The following IGFL2 variants were observed in gnomAD, a reference collection of about 807,000 sequenced individuals.
IGFL2 encodes the protein insulin growth factor-like family member 2.
Under a neutral mutation model 13.9 loss-of-function variants are expected in IGFL2, and 7 were observed. The ratio of observed to expected loss-of-function variants is 0.51; its 90% CI spans 0.29 to 0.95. The LOEUF is 0.95. IGFL2 is among the 40% of genes least tolerant of loss of function. The probability of loss-of-function intolerance (pLI) is 0.08; values close to 1 mark genes in which losing one functional copy is unlikely to be tolerated. For synonymous variants in IGFL2, 55 were observed against 55.8 expected (o/e 0.99, Z 0.07); for missense variants, 138 against 147.8 (o/e 0.93, Z 0.34).
chr19:46,180,396 C>G, the IGFL2 span, among the ~76,000 whole-genome samples: 1 of 152,168 alleles, frequency 6.6e-6, no homozygotes, highest in Admixed American at 6.5e-5. Context: ...CCAGGCTGGT[C>G]TCGAACTCCT....
chr19:46,138,431 A>G (rs1972701085), upstream of IGFL2, among the ~76,000 whole-genome samples: 1 of 152,108 alleles, frequency 6.6e-6, no homozygotes, highest in African/African-American at 2.4e-5. Context: ...GCTAGCAACA[A>G]CACTCCAACG....
chr19:46,180,008 C>T, the IGFL2 span, among the ~76,000 whole-genome samples: 1 of 151,952 alleles, frequency 6.6e-6, no homozygotes, highest in Non-Finnish European at 1.5e-5. Flanking sequence ...TTGGTAACAC[C>T]TCACCATCTC....
the IGFL2 span, chr19:46,179,503 G>T: frequency 6.5e-6 from 1 of 152,732 alleles, no homozygotes; most frequent in Non-Finnish European, 1.5e-5. Context: ...GCAGCTGCTG[G>T]TCTCCACTCT....
the IGFL2 span, among the ~76,000 whole-genome samples, chr19:46,195,403 G>T: frequency 6.6e-6 from 1 of 152,170 alleles, no homozygotes; most frequent in East Asian, 1.9e-4. Flanking sequence ...GAAAAACCAT[G>T]ACTATTACAC....
the IGFL2 span, among the ~76,000 whole-genome samples, chr19:46,188,417 C>A: frequency 2.0e-5 from 3 of 152,114 alleles, no homozygotes; most frequent in African/African-American, 7.2e-5. Flanking sequence ...TGTGACCGCC[C>A]CCCCCACTCT....
intron 1 of IGFL2, among the ~76,000 whole-genome samples, chr19:46,155,123 T>G (rs1600923235): frequency 6.6e-6 from 1 of 152,188 alleles, no homozygotes; most frequent in Non-Finnish European, 1.5e-5. Flanking sequence ...TGAAGCCCAG[T>G]GTGCTTCACC....
downstream of IGFL2, chr19:46,161,321 T>TTC (rs1974158993): frequency 9.9e-6 from 3 of 302,574 alleles, no homozygotes; most frequent in South Asian, 1.0e-4. Flanking sequence ...CTCCTTTCTT[T>TTC]TTTTTTTTTT....
At chr19:46,129,498 G>A in the IGFL2 span, among the ~76,000 whole-genome samples, 1 of 151,976 alleles carries the variant, frequency 6.6e-6, no homozygotes, top group Non-Finnish European at 1.5e-5. Flanking sequence ...TGGGCAATTA[G>A]TACTATAAAT....
At chr19:46,195,401 A>G in the IGFL2 span, among the ~76,000 whole-genome samples, 1 of 152,150 alleles carries the variant, frequency 6.6e-6, no homozygotes, top group South Asian at 2.1e-4. Flanking sequence ...CAGAAAAACC[A>G]TGACTATTAC....
the IGFL2 span, among the ~76,000 whole-genome samples, chr19:46,183,010 A>C: frequency 3.9e-5 from 6 of 152,110 alleles, no homozygotes; most frequent in Admixed American, 1.3e-4. Flanking sequence ...TCACACTGCT[A>C]TAAAGCTACT....
the IGFL2 span, among the ~76,000 whole-genome samples, chr19:46,106,589 G>A: frequency 6.6e-6 from 1 of 152,076 alleles, no homozygotes; most frequent in African/African-American, 2.4e-5. Flanking sequence ...GGATAGGAGA[G>A]TATATGGGTT....
upstream of IGFL2, among the ~76,000 whole-genome samples, chr19:46,147,270 C>T (rs1007573190): frequency 7.9e-5 from 12 of 152,126 alleles, no homozygotes; most frequent in African/African-American, 2.7e-4. Context: ...TGGTCCATTT[C>T]CAAGACAAAG....
At chr19:46,155,006 T>C (rs1485370876) in intron 1 of IGFL2, among the ~76,000 whole-genome samples, 2 of 152,040 alleles carry the variant, frequency 1.3e-5, no homozygotes, top group African/African-American at 4.8e-5. Context: ...AGCGATGTCT[T>C]TCCTCTACAG....
the IGFL2 span, among the ~76,000 whole-genome samples, chr19:46,118,269 C>A: frequency 6.6e-6 from 1 of 152,090 alleles, no homozygotes; most frequent in Non-Finnish European, 1.5e-5. Context: ...TTGTCTCCCC[C>A]ACAGAGAAAA....
chr19:46,103,327 C>T, the IGFL2 span, among the ~76,000 whole-genome samples: 1 of 151,956 alleles, frequency 6.6e-6, no homozygotes, highest in Non-Finnish European at 1.5e-5. Flanking sequence ...AGCCAACAAT[C>T]GTTTGTTAAA....
chr19:46,124,560 G>T, the IGFL2 span: 1 of 1,430,578 alleles, frequency 7.0e-7, no homozygotes, highest in Non-Finnish European at 9.8e-7. Flanking sequence ...AATAAATCGG[G>T]TTGAGGTTTG....
chr19:46,078,746 C>G, the IGFL2 span, among the ~76,000 whole-genome samples: 11 of 152,390 alleles, frequency 7.2e-5, no homozygotes, highest in South Asian at 4.1e-4. Flanking sequence ...TCCCAGTAGT[C>G]AACACTAGAT....
chr19:46,091,183 T>C, the IGFL2 span, among the ~76,000 whole-genome samples: 12 of 152,350 alleles, frequency 7.9e-5, 1 homozygote, highest in South Asian at 2.5e-3. Context: ...AGAGTCCTAA[T>C]GCACCATCTT....
chr19:46,107,189 A>G, the IGFL2 span, among the ~76,000 whole-genome samples: 1 of 152,112 alleles, frequency 6.6e-6, no homozygotes, highest in Non-Finnish European at 1.5e-5. Context: ...AAAAGAAGGT[A>G]ATGTGGAGTG....
Sources: allele counts gnomAD v4.1 joint callset (sites outside exome capture counted in the v4.1 genomes callset), GRCh38; gene constraint gnomAD v4.1.1; transcripts MANE v1.5; gene names NCBI Gene and HGNC (gene_info 2026-07-23, HGNC 2026-07-21).